Variants in SNX24 observed in about 807,000 individuals in gnomAD.
SNX24 encodes the protein sorting nexin-24.
In SNX24, 22 loss-of-function variants were observed where a neutral mutation model predicts 28.7. The observed-to-expected ratio is 0.77, with a 90% confidence interval of 0.55 to 1.10. The LOEUF is 1.10. Ranked by LOEUF, SNX24 falls within the 50% of genes least tolerant of loss-of-function variation. SNX24 has a pLI of 0.00. For missense variants in SNX24, 221 were observed against 201.1 expected, an observed-to-expected ratio of 1.10 and a Z score of -0.60; for synonymous variants, 69 against 71.5, an observed-to-expected ratio of 0.96 and a Z score of 0.18.
intron 3 of SNX24, among the ~76,000 whole-genome samples, chr5:122,982,233 G>C (rs1363813385): frequency 6.6e-6 from 1 of 152,182 alleles, no homozygotes; most frequent in Non-Finnish European, 1.5e-5. Context: ...GTGTGGACTT[G>C]AGTTAAACTG....
intron 1 of SNX24, among the ~76,000 whole-genome samples, chr5:122,931,200 T>C (rs1346002794): frequency 6.6e-6 from 1 of 152,210 alleles, no homozygotes; most frequent in Non-Finnish European, 1.5e-5. Context: ...TAGTAATTTC[T>C]CTTGCTTTAT....
intron 6 of SNX24, among the ~76,000 whole-genome samples, chr5:123,006,410 C>T (rs1762422591): frequency 6.6e-6 from 1 of 152,198 alleles, no homozygotes; most frequent in Admixed American, 6.5e-5. Context: ...CTCCATGGTT[C>T]TCCATCCTCA....
intron 3 of SNX24, among the ~76,000 whole-genome samples, chr5:122,953,645 C>T (rs1230727597): frequency 2.0e-5 from 3 of 152,152 alleles, no homozygotes; most frequent in Admixed American, 1.3e-4. Context: ...AACTTGTAAA[C>T]TGGCGTAATA....
intron 6 of SNX24, among the ~76,000 whole-genome samples, chr5:123,003,216 C>T (rs913640891): frequency 1.3e-5 from 2 of 152,130 alleles, no homozygotes; most frequent in Non-Finnish European, 2.9e-5. Flanking sequence ...CAGCCCTGCT[C>T]CTCCCTAGGA....
intron 1 of SNX24, 79 bp from the exon 2 acceptor site, chr5:122,936,655 A>G (rs1168696115): frequency 4.1e-5 from 34 of 831,548 alleles, no homozygotes; most frequent in Non-Finnish European, 6.2e-5. Context: ...GATGAAATAT[A>G]TCATGGTCAC....
chr5:122,929,888 T>C (rs539500541), intron 1 of SNX24, among the ~76,000 whole-genome samples: 1 of 152,276 alleles, frequency 6.6e-6, no homozygotes, highest in Non-Finnish European at 1.5e-5. Context: ...TTTTTTTCTT[T>C]TTTTAATATT....
At position 122,914,587 on chromosome 5, in the gene SNX24, C is replaced by G. The variant is rs574998939; in HGVS notation, c.61-22147C>G. Reference sequence around the variant, plus strand: ...CACAATTTCAGATCCTGTTATTGGTCTATTCAGAGATTCAACTTCTTCCTG... The same window carrying G: ...CACAATTTCAGATCCTGTTATTGGTGTATTCAGAGATTCAACTTCTTCCTG... On this transcript the variant is annotated intron_variant, in intron 1 of 6. Transcript: ENST00000261369. Among the ~76,000 whole-genome samples, 118 of 150,920 alleles carry G rather than the reference C, an allele frequency of 7.8e-4. 2 individuals are homozygous for G. The South Asian group carries it at 0.025, about 32-fold the overall frequency.
At chr5:122,963,788 G>T (rs1278201008) in intron 3 of SNX24, among the ~76,000 whole-genome samples, 3 of 152,172 alleles carry the variant, frequency 2.0e-5, no homozygotes, top group Non-Finnish European at 4.4e-5. Flanking sequence ...AATGTAAGTA[G>T]TCTCTTTCTT....
At position 122,967,988 on chromosome 5, in the gene SNX24, C is replaced by T. The variant is rs1760784287; in HGVS notation, c.249+21829C>T. Among the ~76,000 whole-genome samples, 2 of 152,148 alleles carry T rather than the reference C, an allele frequency of 1.3e-5. 1 individual carries two copies. Among genetic ancestry groups the T allele is most frequent in the South Asian group, 4.1e-4 (2 of 4,820 alleles). ...AAAGTAGGTGACTTTTGAAAGAAAACAAATCTTGGAGAGAATAATTTGAAC... is the reference window on the plus strand; with the variant it reads ...AAAGTAGGTGACTTTTGAAAGAAAATAAATCTTGGAGAGAATAATTTGAAC... On this transcript the variant is annotated intron_variant, in intron 3 of 6. Coordinates refer to ENST00000261369, the MANE Select transcript of SNX24 (RefSeq NM_014035.4).
chr5:122,883,906 T>C (rs1041403848), intron 1 of SNX24, among the ~76,000 whole-genome samples: 1 of 152,208 alleles, frequency 6.6e-6, no homozygotes, highest in Non-Finnish European at 1.5e-5. Context: ...CCTCTCACCT[T>C]AGTCTCTCAA....
At chr5:123,020,326 AT>A (rs1262984739) in intron 5 of SNX24, among the ~76,000 whole-genome samples, 1 of 152,252 alleles carries the variant, frequency 6.6e-6, no homozygotes, top group Non-Finnish European at 1.5e-5. Context: ...TAGTTAAAAA[AT>A]CCCACCATTT....
At chr5:122,884,959 T>G (rs1201203070) in intron 1 of SNX24, among the ~76,000 whole-genome samples, 1 of 152,234 alleles carries the variant, frequency 6.6e-6, no homozygotes, top group Non-Finnish European at 1.5e-5. Context: ...AATTGGCACG[T>G]GTATTCTTAG....
chr5:122,991,156 C>G (rs1321735869), intron 3 of SNX24, among the ~76,000 whole-genome samples: 1 of 152,140 alleles, frequency 6.6e-6, no homozygotes, highest in African/African-American at 2.4e-5. Flanking sequence ...TGCAGCCTCC[C>G]AAAGTGCTGG....
chr5:122,947,441 C>CA (rs1759736307), intron 3 of SNX24, among the ~76,000 whole-genome samples: 1 of 152,116 alleles, frequency 6.6e-6, no homozygotes, highest in Non-Finnish European at 1.5e-5. Context: ...CTGGTCTTTA[C>CA]AGTGCTCTAA....
intron 3 of SNX24, among the ~76,000 whole-genome samples, chr5:122,946,515 G>A (rs1388564832): frequency 6.6e-6 from 1 of 152,038 alleles, no homozygotes; most frequent in Admixed American, 6.6e-5. Flanking sequence ...CACGTTTTGA[G>A]TTTTGCGGGG....
At chr5:122,936,854 T>A (rs776143150) in intron 2 of SNX24, 37 bp downstream of exon 2, 5 of 1,307,966 alleles carry the variant, frequency 3.8e-6, no homozygotes, top group Non-Finnish European at 5.5e-6. Context: ...TTTCTCTATG[T>A]GGCAGATGGT....
At chr5:122,989,519 C>A (rs1004111532) in intron 3 of SNX24, among the ~76,000 whole-genome samples, 5 of 1,338 alleles carry the variant, frequency 3.7e-3, no homozygotes, top group Non-Finnish European at 5.1e-3. Flanking sequence ...GCTAAGGGAC[C>A]GGGTGGGGGG....
At chr5:123,028,627 T>A in intron 5 of SNX24, 1 of 589,044 alleles carries the variant, frequency 1.7e-6, no homozygotes, top group Non-Finnish European at 3.0e-6. Flanking sequence ...GCTAGATGAG[T>A]CCCCAAAACT....
At chr5:123,023,066 G>T (rs1328485546) in intron 5 of SNX24, among the ~76,000 whole-genome samples, 1 of 152,218 alleles carries the variant, frequency 6.6e-6, no homozygotes, top group Admixed American at 6.5e-5. Flanking sequence ...CTCCCAAAGT[G>T]CTGGGATTAT....
Sources: allele counts gnomAD v4.1 joint callset (sites outside exome capture counted in the v4.1 genomes callset), GRCh38; gene constraint gnomAD v4.1.1; transcripts MANE v1.5; gene names NCBI Gene and HGNC (gene_info 2026-07-23, HGNC 2026-07-21).